Variants in MICAL2 observed in about 807,000 individuals in gnomAD.
The protein encoded by MICAL2 is [F-actin]-monooxygenase MICAL2.
In MICAL2, 77 loss-of-function variants were observed where a neutral mutation model predicts 127.3. That is an observed-to-expected ratio of 0.60 (90% confidence interval 0.50 to 0.73). The LOEUF is 0.73. Among genes scored for constraint, MICAL2 ranks in the 30% least tolerant of loss-of-function variants. The pLI is 0.00. For synonymous variants in MICAL2, 570 were observed against 551.1 expected, an observed-to-expected ratio of 1.03 and a Z score of -0.48; for missense variants, 1,351 against 1,434.4, an observed-to-expected ratio of 0.94 and a Z score of 0.94.
chr11:12,209,769 G>C (rs562927976), intron 6 of MICAL2, among the ~76,000 whole-genome samples, 171 bp downstream of exon 6: 89 of 152,258 alleles, frequency 5.8e-4, no homozygotes, highest in African/African-American at 2.0e-3. Flanking sequence ...ATCCACCTGT[G>C]GGGTGGGCAG....
Position 12,221,743 on chromosome 11 carries a change from G to A in MICAL2, c.1306G>A (p.Glu436Lys), listed in dbSNP as rs757670405. The A allele has an allele frequency of 1.5e-5, 24 of 1,613,462 alleles. No individual in the cohort carries two copies. The South Asian group carries it at 2.4e-4, about 16-fold the overall frequency. The stretch of plus-strand genomic sequence containing the variant: ...CTGGAACCAGGGCACCCCTCCCCTG[G>A]AGCTGCTGGCTGAAAGGTGAGCTTT... Reference protein sequence around the residue: ...KSWNQGTPPLELLAERESLYR... With the variant: ...KSWNQGTPPLKLLAERESLYR... Residue 436 changes from glutamate (E) to lysine (K), a missense_variant, in exon 10 of 28, where the codon GAG becomes AAG. By Grantham distance (56) the Glu-to-Lys change is moderately conservative. Around this residue, in one of 2 missense-constraint regions of MICAL2, gnomAD observed 599 missense variants for 714.9 expected, o/e 0.84. Transcript: ENST00000683283.
At chr11:12,127,531 T>C (rs190303161) in intron 1 of MICAL2, among the ~76,000 whole-genome samples, 13 of 152,098 alleles carry the variant, frequency 8.5e-5, no homozygotes, top group African/African-American at 2.9e-4. Flanking sequence ...GTGTGCTGCA[T>C]GGAGAGGGGA....
intron 3 of MICAL2, among the ~76,000 whole-genome samples, chr11:12,173,943 A>G (rs1410575959): frequency 6.6e-6 from 1 of 152,154 alleles, no homozygotes; most frequent in African/African-American, 2.4e-5. Context: ...TCAGCATGTA[A>G]TCACTGTGAA....
chr11:12,231,140 C>G, intron 15 of MICAL2, among the ~76,000 whole-genome samples: 1 of 152,238 alleles, frequency 6.6e-6, no homozygotes, highest in Non-Finnish European at 1.5e-5. Flanking sequence ...CAATACCTAC[C>G]AGTACTCTCC....
chr11:12,123,266 T>C lies in MICAL2; in HGVS notation c.-149+12540T>C, dbSNP rs74801259. On this transcript the variant is annotated intron_variant, in intron 1 of 27. Coordinates refer to ENST00000683283, the MANE Select transcript of MICAL2 (RefSeq NM_001282663.2). ...TATAAAAGTAAATTGGTTAAGGCAT[T>C]TCTAAAACTTCGCTTTCAGAATCTA... Among the ~76,000 whole-genome samples the C allele has an allele frequency of 9.2e-5, 14 of 152,348 alleles. No homozygotes were observed. The East Asian group carries it at 2.7e-3, about 29-fold the overall frequency.
intron 15 of MICAL2, among the ~76,000 whole-genome samples, chr11:12,230,135 C>T (rs11022253): frequency 2.0e-5 from 3 of 152,198 alleles, no homozygotes; most frequent in Non-Finnish European, 1.5e-5. Flanking sequence ...ATCAGGGCCA[C>T]GTAGAAAGTA....
chr11:12,336,178 A>C (rs140172350), intron 32 of MICAL2, among the ~76,000 whole-genome samples: 62,119 of 151,976 alleles, frequency 0.41, 15,345 homozygotes, highest in Non-Finnish European at 0.56. Flanking sequence ...CATCCCTTGT[A>C]AGTTGGATTC....
rs1434157800 is a variant in MICAL2 at position 12,204,266 on chromosome 11, G to A, written c.281G>A (p.Gly94Glu). ...CTNTKCLIVG[G>E]GPCGLRTAIE... ...CCTCTGCAGTGTCTCATAGTTGGGG[G>A]AGGACCCTGTGGCTTGCGCACTGCC... Residue 94 changes from glycine to glutamate, a missense_variant, in exon 4 of 28, where the codon GGA becomes GAA. By Grantham distance (98) the Gly-to-Glu change is moderately conservative. This residue lies in a region of MICAL2 where 599 missense variants were observed against 714.9 expected (regional missense o/e 0.84). Coordinates refer to ENST00000683283, the MANE Select transcript of MICAL2 (RefSeq NM_001282663.2). 4 of 1,614,070 alleles carry A rather than the reference G, an allele frequency of 2.5e-6. No homozygotes were observed. The highest frequency in any genetic ancestry group is 3.4e-6 in the Non-Finnish European group (4 of 1,180,042).
At chr11:12,287,251 T>C in exon 3 of MICAL2, 1 of 398,036 alleles carries the variant, frequency 2.5e-6, no homozygotes, top group Non-Finnish European at 4.4e-6. Flanking sequence ...TCTCATTCCT[T>C]ACATGGTATC....
At position 12,162,209 on chromosome 11, in the gene MICAL2, C is replaced by T; in HGVS notation, c.54C>T (p.Asn18=). ...KQAQAGQVFE[N]FVQASTCKGT... ...CCCAGGCGGGGCAGGTTTTTGAGAA[C>T]TTTGTCCAGGCATCCACGTGCAAAG... The change falls in exon 3 of 28, where the codon AAC becomes AAT. Residue 18 remains asparagine, a synonymous_variant. Coordinates refer to ENST00000683283, the MANE Select transcript of MICAL2 (RefSeq NM_001282663.2). 6.2e-7 allele frequency: 1 copy of T among 1,614,202 alleles called. No homozygotes were observed. Among genetic ancestry groups the T allele is most frequent in the Non-Finnish European group, 8.5e-7 (1 of 1,180,046 alleles).
At chr11:12,225,076 TC>T (rs928747303) in intron 13 of MICAL2, among the ~76,000 whole-genome samples, 4 of 140,084 alleles carry the variant, frequency 2.9e-5, no homozygotes, top group Non-Finnish European at 4.6e-5. Flanking sequence ...CCACTACCCT[TC>T]CCCCCCGAGC....
At chr11:12,146,924 G>A (rs1302280851) in intron 2 of MICAL2, among the ~76,000 whole-genome samples, 1 of 152,094 alleles carries the variant, frequency 6.6e-6, no homozygotes, top group Non-Finnish European at 1.5e-5. Flanking sequence ...CATGGATGAC[G>A]CTGGAAACCA....
At chr11:12,349,637 C>T (rs1939014803) in intron 32 of MICAL2, among the ~76,000 whole-genome samples, 1 of 152,092 alleles carries the variant, frequency 6.6e-6, no homozygotes, top group African/African-American at 2.4e-5. Context: ...AAGAAGACCC[C>T]CTCACACACG....
chr11:12,259,981 C>T, intron 26 of MICAL2, 84 bp downstream of exon 26: 1 of 1,563,122 alleles, frequency 6.4e-7, no homozygotes, highest in East Asian at 2.4e-5. Flanking sequence ...GCAGGGACTC[C>T]TGCAAGCTGC....
At chr11:12,199,099 C>G (rs985187929) in intron 3 of MICAL2, among the ~76,000 whole-genome samples, 2 of 152,158 alleles carry the variant, frequency 1.3e-5, no homozygotes, top group African/African-American at 4.8e-5. Flanking sequence ...GATCTGACAG[C>G]TTATTTGTTA....
chr11:12,334,011 A>T (rs1938699071), intron 32 of MICAL2, among the ~76,000 whole-genome samples: 1 of 152,196 alleles, frequency 6.6e-6, no homozygotes, highest in South Asian at 2.1e-4. Flanking sequence ...TACCATACAA[A>T]CAAATCAATT....
At chr11:12,257,180 C>T (rs1862444361) in intron 24 of MICAL2, 1 of 555,574 alleles carries the variant, frequency 1.8e-6, no homozygotes, top group African/African-American at 1.9e-5. Context: ...AGCATCAGCA[C>T]TGTGGTACGG....
At position 12,262,137 on chromosome 11, in the gene MICAL2, A is replaced by T. The variant is rs1863201780; in HGVS notation, c.3335-343A>T. On this transcript the variant is annotated intron_variant, in intron 26 of 27. Coordinates refer to ENST00000683283, the MANE Select transcript of MICAL2 (RefSeq NM_001282663.2). Reference sequence around the variant, plus strand: ...TGAACCTTTCTGGTGGGCAGCACCGACACCCAGGGGTGGACCCCCGAGGAT... The same window carrying T: ...TGAACCTTTCTGGTGGGCAGCACCGTCACCCAGGGGTGGACCCCCGAGGAT... The T allele has an allele frequency of 4.3e-6, 5 of 1,174,658 alleles. No individual in the cohort carries two copies. In the African/African-American group the frequency reaches 7.9e-5, roughly 19 times the overall value. 72.8% of individuals were successfully genotyped at this position (1,174,658 alleles called of 1,614,324 possible). A position where few individuals can be genotyped will look rare whatever the true frequency, so the allele number is the denominator to read the frequency against.
chr11:12,349,004 A>G (rs1437227550), intron 32 of MICAL2, among the ~76,000 whole-genome samples: 1 of 152,220 alleles, frequency 6.6e-6, no homozygotes, highest in Non-Finnish European at 1.5e-5. Flanking sequence ...GCACAAGGTC[A>G]CACAAAGCTT....
Sources: gnomAD v4.1 joint callset for allele counts (sites outside exome capture counted in the v4.1 genomes callset) on GRCh38, gnomAD v4.1.1 for gene constraint, gnomAD v4.1.1 regional missense constraint, MANE v1.5 for transcripts, NCBI Gene and HGNC (gene_info 2026-07-23, HGNC 2026-07-21) for gene names.